Variants in TXNRD1 observed in about 807,000 individuals in gnomAD.
The protein encoded by TXNRD1 is thioredoxin reductase 1, also known as thioredoxin reductase 1, cytoplasmic.
Under a neutral mutation model 80.3 loss-of-function variants are expected in TXNRD1, and 57 were observed. That is an observed-to-expected ratio of 0.71 (90% CI 0.57 to 0.89). TXNRD1 has a LOEUF of 0.89. TXNRD1 is among the 40% of genes least tolerant of loss of function. The pLI, the probability that TXNRD1 is intolerant of heterozygous loss-of-function variation, is 0.00. For synonymous variants in TXNRD1, 291 were observed against 285.2 expected (o/e 1.02, Z -0.20); for missense variants, 730 against 803.0 (o/e 0.91, Z 1.10).
At chr12:104,217,908 G>A (rs368222226) in intron 1 of TXNRD1, among the ~76,000 whole-genome samples, 8 of 151,996 alleles carry the variant, frequency 5.3e-5, no homozygotes, top group African/African-American at 1.7e-4. Context: ...TGTAGCATGC[G>A]ACAGGATTTC....
intron 3 of TXNRD1, among the ~76,000 whole-genome samples, chr12:104,260,996 C>T (rs776737106): frequency 1.3e-5 from 2 of 152,042 alleles, no homozygotes; most frequent in Non-Finnish European, 2.9e-5. Context: ...TAACAAATGG[C>T]AGATGTTTTA....
intron 4 of TXNRD1, among the ~76,000 whole-genome samples, chr12:104,306,219 A>G (rs1361730836): frequency 6.6e-6 from 1 of 152,194 alleles, no homozygotes; most frequent in Non-Finnish European, 1.5e-5. Context: ...TAGGGCTTTA[A>G]ATGCCAGGAA....
chr12:104,310,533 G>C (rs2035097237), intron 4 of TXNRD1, among the ~76,000 whole-genome samples: 1 of 152,016 alleles, frequency 6.6e-6, no homozygotes, highest in African/African-American at 2.4e-5. Context: ...TTTTATTTTA[G>C]TAAGCGATAA....
chr12:104,303,957 G>A (rs1485549740), intron 4 of TXNRD1: 2 of 1,601,182 alleles, frequency 1.2e-6, no homozygotes, highest in Admixed American at 3.4e-5. Context: ...GTGTCAGTGA[G>A]GGCCGCGGGC....
intron 6 of TXNRD1, among the ~76,000 whole-genome samples, chr12:104,313,657 A>G (rs2035218812): frequency 6.6e-6 from 1 of 152,184 alleles, no homozygotes; most frequent in Admixed American, 6.5e-5. Context: ...CCTACATTCA[A>G]CAAGAGTTGG....
rs1159718029 is a variant in TXNRD1 at position 104,242,749 on chromosome 12, A to C, written c.92-8778A>C. Among the ~76,000 whole-genome samples the C allele has an allele frequency of 2.6e-5, 4 of 152,248 alleles. No individual in the cohort carries two copies. In the East Asian group the frequency reaches 7.7e-4, roughly 29 times the overall value. On this transcript the variant is annotated intron_variant, in intron 1 of 16. Coordinates refer to ENST00000525566, the MANE Select transcript of TXNRD1 (RefSeq NM_001093771.3). The stretch of plus-strand genomic sequence containing the variant: ...TGGTGCTGAGTGATCCAGTAAACCA[A>C]GACTAACCCCCACCCTCTCCTACCT...
chr12:104,349,796 T>G lies in TXNRD1; in HGVS notation c.*1375T>G, dbSNP rs967982542. On this transcript the variant is annotated 3_prime_UTR_variant, in exon 17 of 17. Coordinates refer to ENST00000525566, the MANE Select transcript of TXNRD1 (RefSeq NM_001093771.3). Reference sequence around the variant, plus strand: ...ATTCCTGCTACTCTACCTGTATTTCTCAGTTGCAGCACTGAGTGGTCAAAA... The same window carrying G: ...ATTCCTGCTACTCTACCTGTATTTCGCAGTTGCAGCACTGAGTGGTCAAAA... The G allele has an allele frequency of 2.6e-5, 4 of 152,536 alleles. No homozygotes were observed. Among genetic ancestry groups the G allele is most frequent in the African/African-American group, 9.7e-5 (4 of 41,450 alleles). The allele number at this position is 152,536 out of a possible 1,614,324, so 9.4% of individuals were successfully genotyped here. A position where few individuals can be genotyped will look rare whatever the true frequency, so the allele number is the denominator to read the frequency against.
intron 4 of TXNRD1, chr12:104,304,018 G>A: frequency 6.2e-7 from 1 of 1,612,320 alleles, no homozygotes; most frequent in South Asian, 1.1e-5. Flanking sequence ...CAAAGCTCCT[G>A]GAGCTCACCG....
intron 3 of TXNRD1, among the ~76,000 whole-genome samples, chr12:104,274,460 C>T (rs2033715587): frequency 6.6e-6 from 1 of 152,056 alleles, no homozygotes; most frequent in Admixed American, 6.6e-5. Context: ...CTTTGGGAGG[C>T]CGAGGCGGGT....
chr12:104,267,698 TTTCTCTCTTTCTTTCTTTCTTTC>T (rs778231998), intron 3 of TXNRD1, among the ~76,000 whole-genome samples: 8,733 of 38,356 alleles, frequency 0.23, 419 homozygotes, highest in East Asian at 0.31. Flanking sequence ...TCTTTCTTTC[TTTCTCTCTTTCTTTCTTTCTTTC>T]TCTTTCTTTC....
At chr12:104,273,943 G>A (rs984588411) in intron 3 of TXNRD1, among the ~76,000 whole-genome samples, 8 of 152,088 alleles carry the variant, frequency 5.3e-5, no homozygotes, top group Non-Finnish European at 1.2e-4. Context: ...CCAGCTACTT[G>A]GGAGGCTAAG....
chr12:104,336,410 T>C (rs1043591286), intron 15 of TXNRD1, among the ~76,000 whole-genome samples: 1 of 152,178 alleles, frequency 6.6e-6, no homozygotes. Context: ...TTGTCATGAG[T>C]AATCTGAGGT....
chr12:104,284,982 T>C (rs1401914981), intron 3 of TXNRD1, among the ~76,000 whole-genome samples: 3 of 152,174 alleles, frequency 2.0e-5, no homozygotes, highest in African/African-American at 7.2e-5. Flanking sequence ...TTGACCATCC[T>C]GGCCAACGTG....
intron 10 of TXNRD1, among the ~76,000 whole-genome samples, 179 bp downstream of exon 10, chr12:104,321,495 G>A (rs943964739): frequency 2.0e-5 from 3 of 152,070 alleles, no homozygotes; most frequent in Non-Finnish European, 4.4e-5. Flanking sequence ...CACCTATATA[G>A]CTTTGTTCTT....
chr12:104,297,908 T>C (rs1409408762), intron 4 of TXNRD1, among the ~76,000 whole-genome samples: 1 of 152,202 alleles, frequency 6.6e-6, no homozygotes, highest in Non-Finnish European at 1.5e-5. Flanking sequence ...TTGTGGAGGC[T>C]CTCGTAACCT....
intron 4 of TXNRD1, chr12:104,304,611 G>A: frequency 6.2e-7 from 1 of 1,613,892 alleles, no homozygotes; most frequent in Non-Finnish European, 8.5e-7. Context: ...AGGATTTTGG[G>A]ATTGTTGCAA....
At chr12:104,239,393 C>T (rs1228025896) in intron 1 of TXNRD1, among the ~76,000 whole-genome samples, 1 of 152,056 alleles carries the variant, frequency 6.6e-6, no homozygotes, top group Non-Finnish European at 1.5e-5. Context: ...CAGGGTTTCA[C>T]CATATTGGTC....
chr12:104,264,938 T>C (rs1287737232), intron 3 of TXNRD1, among the ~76,000 whole-genome samples: 2 of 152,292 alleles, frequency 1.3e-5, no homozygotes, highest in African/African-American at 2.4e-5. Flanking sequence ...AAGAGTTCCC[T>C]GTACTTAGTA....
At chr12:104,258,279 G>A (rs567592812) in intron 3 of TXNRD1, 200 bp downstream of exon 3, 3 of 487,270 alleles carry the variant, frequency 6.2e-6, no homozygotes, top group African/African-American at 2.0e-5. Context: ...CTAGTGTATA[G>A]CCTTGGTATT....
Sources: allele counts gnomAD v4.1 joint callset (sites outside exome capture counted in the v4.1 genomes callset), GRCh38; gene constraint gnomAD v4.1.1; transcripts MANE v1.5; gene names NCBI Gene and HGNC (gene_info 2026-07-23, HGNC 2026-07-21).